GLCCI1: variants seen among roughly 807,000 people sequenced by gnomAD.
GLCCI1 encodes glucocorticoid-induced transcript 1 protein.
GLCCI1 carries 24 observed loss-of-function variants against 52.2 expected under a neutral mutation model. The observed-to-expected ratio is 0.46, with a 90% CI of 0.33 to 0.65. GLCCI1 has a LOEUF of 0.65. Ranked by LOEUF, GLCCI1 falls within the 30% of genes least tolerant of loss-of-function variation. The pLI is 0.02. For missense variants in GLCCI1, 704 were observed against 701.5 expected (o/e 1.00, Z -0.04); for synonymous variants, 310 against 276.5 (o/e 1.12, Z -1.20).
intron 2 of GLCCI1, among the ~76,000 whole-genome samples, chr7:8,021,630 T>A (rs1173612921): frequency 1.3e-5 from 2 of 152,208 alleles, no homozygotes; most frequent in Non-Finnish European, 1.5e-5. Flanking sequence ...CTCGGACTCC[T>A]GACCTCAGGT....
chr7:8,022,182 C>A (rs749424231), intron 2 of GLCCI1, among the ~76,000 whole-genome samples: 1 of 152,128 alleles, frequency 6.6e-6, no homozygotes, highest in African/African-American at 2.4e-5. Flanking sequence ...TCTTTAAAAA[C>A]ACCAATACAC....
In GLCCI1 at chr7:8,010,389, G is replaced by T. The variant is rs57931378; in HGVS notation, c.609+6330G>T. ...TGCTTTTTATATATAACTTGTAAAA[G>T]AAAAAAGTCACTTGCCTAAACATCG... On this transcript the variant is annotated intron_variant, in intron 2 of 7. Coordinates refer to ENST00000223145, the MANE Select transcript of GLCCI1 (RefSeq NM_138426.4). 2.4e-3 allele frequency among the ~76,000 whole-genome samples: 369 copies of T among 152,178 alleles called. 3 individuals carry two copies. Among genetic ancestry groups the T allele is most frequent in the Middle Eastern group, 6.8e-3 (2 of 294 alleles).
At chr7:7,977,601 C>G (rs1780521169) in intron 1 of GLCCI1, among the ~76,000 whole-genome samples, 1 of 152,128 alleles carries the variant, frequency 6.6e-6, no homozygotes, top group African/African-American at 2.4e-5. Context: ...TGACAAGCCA[C>G]TAACTCTGCA....
intron 6 of GLCCI1, among the ~76,000 whole-genome samples, chr7:8,075,037 T>C (rs1782847014): frequency 6.6e-6 from 1 of 152,208 alleles, no homozygotes; most frequent in South Asian, 2.1e-4. Flanking sequence ...TCATTTTATA[T>C]ACGTATTCTT....
chr7:8,073,210 A>G (rs554904025), intron 6 of GLCCI1, among the ~76,000 whole-genome samples: 12 of 152,292 alleles, frequency 7.9e-5, no homozygotes, highest in Admixed American at 3.3e-4. Context: ...TTAATTCTCA[A>G]AGATTTAATG....
intron 2 of GLCCI1, among the ~76,000 whole-genome samples, chr7:8,017,319 TC>T (rs1337748548): frequency 6.6e-6 from 1 of 152,226 alleles, no homozygotes; most frequent in Non-Finnish European, 1.5e-5. Context: ...AATAACATGT[TC>T]AAAGCTAGCA....
At chr7:8,057,981 A>G (rs1405513464) in intron 4 of GLCCI1, among the ~76,000 whole-genome samples, 2 of 152,214 alleles carry the variant, frequency 1.3e-5, no homozygotes, top group Non-Finnish European at 2.9e-5. Flanking sequence ...ACGTGTTCAC[A>G]TGAAACAAAT....
intron 1 of GLCCI1, chr7:7,980,756 G>GT (rs1426842530): frequency 4.7e-5 from 32 of 687,008 alleles, no homozygotes. Flanking sequence ...TACCTTGATG[G>GT]TACCATACAG....
At chr7:8,023,665 C>T (rs1217697737) in intron 3 of GLCCI1, among the ~76,000 whole-genome samples, 1 of 125,444 alleles carries the variant, frequency 8.0e-6, no homozygotes, top group Non-Finnish European at 1.6e-5. Flanking sequence ...GTGGCACAGT[C>T]TTGGCTCACT....
intron 3 of GLCCI1, among the ~76,000 whole-genome samples, chr7:8,033,495 TA>T (rs1554261183): frequency 6.6e-6 from 1 of 152,076 alleles, no homozygotes; most frequent in Non-Finnish European, 1.5e-5. Flanking sequence ...ATCCTATATG[TA>T]AAAACTCCTA....
intron 3 of GLCCI1, among the ~76,000 whole-genome samples, chr7:8,053,088 A>G: frequency 6.6e-6 from 1 of 151,782 alleles, no homozygotes; most frequent in East Asian, 1.9e-4. Flanking sequence ...AAAAATAGCA[A>G]GTAAACAGAT....
chr7:7,981,862 A>T (rs1390884314), intron 1 of GLCCI1: 3 of 449,970 alleles, frequency 6.7e-6, no homozygotes, highest in African/African-American at 6.1e-5. Flanking sequence ...CTAGATGAGC[A>T]GGCAGAAGAC....
At position 8,087,434 on chromosome 7, in the gene GLCCI1, A is replaced by C. The variant is rs542839575; in HGVS notation, c.*896A>C. 6.5e-6 allele frequency: 1 copy of C among 152,692 alleles called. No homozygotes were observed. Among genetic ancestry groups the C allele is most frequent in the Non-Finnish European group, 1.5e-5 (1 of 68,046 alleles). The allele number at this position is 152,692 out of a possible 1,614,324, so 9.5% of individuals were successfully genotyped here. A position where few individuals can be genotyped will look rare whatever the true frequency, so the allele number is the denominator to read the frequency against. On this transcript the variant is annotated 3_prime_UTR_variant, in exon 8 of 8. Transcript: ENST00000223145. ...TAAAGTGTTCAGTACTGGACTGTACATAAACATTCCACATTGTGTGTGATG... is the reference window on the plus strand; with the variant it reads ...TAAAGTGTTCAGTACTGGACTGTACCTAAACATTCCACATTGTGTGTGATG...
At position 8,073,295 on chromosome 7, in the gene GLCCI1, AT is replaced by A. The variant is rs541718169; in HGVS notation, c.1177+2165del. On this transcript the variant is annotated intron_variant, in intron 6 of 7. Coordinates refer to ENST00000223145, the MANE Select transcript of GLCCI1 (RefSeq NM_138426.4). ...TTTCCCTAATCCTTTCAGGAAAAAA[AT>A]ATCAATTATTTAATACACAGCTTAG... 3.7e-3 allele frequency among the ~76,000 whole-genome samples: 564 copies of A among 152,260 alleles called. 3 individuals are homozygous for A. The highest frequency in any genetic ancestry group is 0.013 in the African/African-American group (530 of 41,570).
intron 1 of GLCCI1, chr7:7,981,838 A>C: frequency 2.3e-6 from 1 of 431,464 alleles, no homozygotes; most frequent in Non-Finnish European, 4.6e-6. Flanking sequence ...TAGGAGGCAA[A>C]ATATAATGTT....
intron 5 of GLCCI1, among the ~76,000 whole-genome samples, chr7:8,069,400 G>A (rs1459802396): frequency 6.6e-6 from 1 of 152,082 alleles, no homozygotes; most frequent in Non-Finnish European, 1.5e-5. Context: ...TAGTACAAGG[G>A]TAGCAAGGGC....
At chr7:7,971,917 A>C (rs1780361139) in intron 1 of GLCCI1, among the ~76,000 whole-genome samples, 1 of 152,146 alleles carries the variant, frequency 6.6e-6, no homozygotes, top group African/African-American at 2.4e-5. Context: ...TGTTTTAAAC[A>C]CCAGGTGGTT....
chr7:7,998,351 GA>G (rs1462323994), intron 1 of GLCCI1, among the ~76,000 whole-genome samples: 1 of 152,070 alleles, frequency 6.6e-6, no homozygotes, highest in Non-Finnish European at 1.5e-5. Context: ...GAGTAGCTGG[GA>G]TTACAGGCGC....
intron 1 of GLCCI1, among the ~76,000 whole-genome samples, chr7:7,981,439 T>G (rs1366801058): frequency 6.6e-6 from 1 of 151,908 alleles, no homozygotes; most frequent in Non-Finnish European, 1.5e-5. Flanking sequence ...TCTCCTCCCT[T>G]AGCCTCCCAA....
Sources: gnomAD v4.1 joint callset for allele counts (sites outside exome capture counted in the v4.1 genomes callset) on GRCh38, gnomAD v4.1.1 for gene constraint, MANE v1.5 for transcripts, NCBI Gene and HGNC (gene_info 2026-07-23, HGNC 2026-07-21) for gene names.